Variants in COPB1 observed in about 807,000 individuals in gnomAD.
COPB1 encodes coat protein complex I subunit beta 1, also known as coatomer subunit beta.
In COPB1, 21 loss-of-function variants were observed where a neutral mutation model predicts 108.7. The observed-to-expected ratio is 0.19, with a 90% CI of 0.14 to 0.28. The LOEUF (loss-of-function observed/expected upper bound fraction) is 0.28, where lower values mean the gene tolerates loss of function less well. Ranked by LOEUF, COPB1 falls within the 10% of genes least tolerant of loss-of-function variation. The probability of loss-of-function intolerance (pLI) is 1.00; values close to 1 mark genes in which losing one functional copy is unlikely to be tolerated. For synonymous variants in COPB1, 378 were observed against 386.8 expected (o/e 0.98, Z 0.27); for missense variants, 919 against 1,141.3 (o/e 0.81, Z 2.81).
chr11:14,475,485 T>C (rs1850502165), intron 13 of COPB1, among the ~76,000 whole-genome samples: 1 of 152,184 alleles, frequency 6.6e-6, no homozygotes, highest in African/African-American at 2.4e-5. Flanking sequence ...CAGATGCTAA[T>C]AAACAACAAA....
At position 14,457,611 on chromosome 11, in the gene COPB1, C is replaced by T. The variant is rs528817947; in HGVS notation, c.*213G>A. ...GTCTTGGTACATGAAACATTATATA[C>T]TTTGAGGACAGCATTCAGAACTGTT... On this transcript the variant is annotated 3_prime_UTR_variant, in exon 22 of 22. Transcript: ENST00000439561. The T allele has an allele frequency of 8.7e-6, 4 of 460,242 alleles. No homozygotes were observed. Among genetic ancestry groups the T allele is most frequent in the Non-Finnish European group, 1.6e-5 (4 of 249,804 alleles). 28.5% of individuals were successfully genotyped at this position (460,242 alleles called of 1,614,324 possible).
At chr11:14,458,764 T>C (rs1346560444) in intron 20 of COPB1, 77 bp from the exon 21 acceptor site, 17 of 30,606 alleles carry the variant, frequency 5.6e-4, no homozygotes, top group South Asian at 1.1e-3. Flanking sequence ...CATAGGTGAC[T>C]TTTTTTTTTT....
chr11:14,462,701 T>C (rs549622805), intron 18 of COPB1, among the ~76,000 whole-genome samples: 1 of 152,352 alleles, frequency 6.6e-6, no homozygotes, highest in Non-Finnish European at 1.5e-5. Flanking sequence ...TACTACCTCA[T>C]TTCTTCAAGA....
chr11:14,483,228 CCACACACA>C lies in COPB1; in HGVS notation c.838-85_838-78del, dbSNP rs3217599. ...TTGAAAATAAGCATGCGCGCGCACA[CCACACACA>C]CACACACACACACACACACACACTC... On this transcript the variant is annotated intron_variant, in intron 7 of 21. Coordinates refer to ENST00000439561, the MANE Select transcript of COPB1 (RefSeq NM_001144061.2). 3.2e-3 allele frequency: 1,610 copies of C among 499,424 alleles called. 1 individual carries two copies. The highest frequency in any genetic ancestry group is 7.6e-3 in the East Asian group (233 of 30,540). 30.9% of individuals were successfully genotyped at this position (499,424 alleles called of 1,614,324 possible).
chr11:14,481,856 T>C (rs1850668015), intron 8 of COPB1, among the ~76,000 whole-genome samples: 1 of 152,180 alleles, frequency 6.6e-6, no homozygotes, highest in African/African-American at 2.4e-5. Context: ...TGGCAAGATC[T>C]TGGCTCACTG....
intron 18 of COPB1, among the ~76,000 whole-genome samples, chr11:14,464,370 T>C (rs1850230451): frequency 6.6e-6 from 1 of 152,226 alleles, no homozygotes. Flanking sequence ...CACATATTTA[T>C]TTTATATATC....
chr11:14,497,213 T>TC (rs1479015565), intron 2 of COPB1, among the ~76,000 whole-genome samples: 1 of 151,798 alleles, frequency 6.6e-6, no homozygotes, highest in African/African-American at 2.4e-5. Context: ...TTAAAAAGCT[T>TC]CCGCACAGCA....
chr11:14,491,455 A>C (rs1362116456), intron 4 of COPB1, among the ~76,000 whole-genome samples: 1 of 152,146 alleles, frequency 6.6e-6, no homozygotes, highest in Non-Finnish European at 1.5e-5. Flanking sequence ...GGATCACCTG[A>C]GGGTGGGAGT....
rs779865923 is a variant in COPB1 at position 14,475,849 on chromosome 11, T to C, written c.1552A>G (p.Met518Val). ...VGPVQKLVTE[M>V]GTYATQSALS... ...GCACTCTGAGTTGCATAGGTACCCA[T>C]TTCAGTAACCAATTTCTGAACTGGC... is the stretch of plus-strand genomic sequence containing the variant. The change falls in exon 13 of 22, where the codon ATG becomes GTG. Residue 518 changes from methionine to valine, a missense_variant. Met to Val is a conservative substitution (Grantham distance 21). Coordinates refer to ENST00000439561, the MANE Select transcript of COPB1 (RefSeq NM_001144061.2). The C allele has an allele frequency of 5.0e-6, 8 of 1,613,936 alleles. No individual in the cohort carries two copies. The highest frequency in any genetic ancestry group is 1.7e-5 in the Admixed American group (1 of 60,002).
At position 14,482,540 on chromosome 11, in the gene COPB1, AT is replaced by A. The variant is rs36093434; in HGVS notation, c.957+491del. ...TAATACTGATTCACTTTAGAAAAAC[AT>A]TTTTTTTTTTTGAGACAGAGTCTCA... is the stretch of plus-strand genomic sequence containing the variant. On this transcript the variant is annotated intron_variant, in intron 8 of 21. Transcript: ENST00000439561. Among the ~76,000 whole-genome samples the A allele has an allele frequency of 9.6e-4, 141 of 147,034 alleles. 1 individual carries two copies. Among genetic ancestry groups the A allele is most frequent in the South Asian group, 5.8e-3 (27 of 4,640 alleles).
At chr11:14,476,855 A>T (rs2134109084) in intron 12 of COPB1, 64 bp downstream of exon 12, 1 of 1,031,638 alleles carries the variant, frequency 9.7e-7, no homozygotes, top group South Asian at 1.3e-5. Context: ...ATCACTATAA[A>T]AAGTCAGATT....
chr11:14,485,598 G>C (rs1850751297), intron 7 of COPB1, among the ~76,000 whole-genome samples: 1 of 152,222 alleles, frequency 6.6e-6, no homozygotes, highest in Non-Finnish European at 1.5e-5. Context: ...TGTAATCCCA[G>C]CATTTTGGGA....
intron 6 of COPB1, among the ~76,000 whole-genome samples, chr11:14,487,476 A>G (rs1850799685): frequency 6.6e-6 from 1 of 152,110 alleles, no homozygotes; most frequent in Non-Finnish European, 1.5e-5. Flanking sequence ...GGAGTTTGGG[A>G]CCAGCCTGGC....
intron 4 of COPB1, among the ~76,000 whole-genome samples, chr11:14,493,243 C>T (rs1421750532): frequency 1.3e-5 from 2 of 152,178 alleles, no homozygotes; most frequent in African/African-American, 2.4e-5. Context: ...AAAGTTCCTT[C>T]CTCAAAGCTT....
intron 8 of COPB1, among the ~76,000 whole-genome samples, chr11:14,482,539 CATTT>C (rs2134116222): frequency 6.6e-6 from 1 of 151,862 alleles, no homozygotes; most frequent in Admixed American, 6.6e-5. Context: ...TTTAGAAAAA[CATTT>C]TTTTTTTTTG....
At chr11:14,468,038 C>G (rs1285358178) in intron 16 of COPB1, among the ~76,000 whole-genome samples, 1 of 152,074 alleles carries the variant, frequency 6.6e-6, no homozygotes, top group African/African-American at 2.4e-5. Context: ...AATGGCAAAT[C>G]TTTTGCAACT....
At chr11:14,469,146 C>T (rs1246496124) in intron 15 of COPB1, among the ~76,000 whole-genome samples, 190 bp downstream of exon 15, 11 of 152,092 alleles carry the variant, frequency 7.2e-5, no homozygotes, top group Admixed American at 7.2e-4. Context: ...AGGCACATAC[C>T]ACCATGCCTG....
intron 14 of COPB1, 117 bp from the exon 15 acceptor site, chr11:14,469,680 C>A (rs1326797181): frequency 1.1e-6 from 1 of 910,322 alleles, no homozygotes; most frequent in Non-Finnish European, 1.7e-6. Context: ...ATTTCAAATT[C>A]TTTGGATTTT....
chr11:14,482,426 C>A (rs557222101), intron 8 of COPB1, among the ~76,000 whole-genome samples: 2 of 151,900 alleles, frequency 1.3e-5, no homozygotes, highest in Admixed American at 6.6e-5. Context: ...TAATTTTCCA[C>A]GAAATGTAAA....
Sources: gnomAD v4.1 joint callset for allele counts (sites outside exome capture counted in the v4.1 genomes callset) on GRCh38, gnomAD v4.1.1 for gene constraint, MANE v1.5 for transcripts, NCBI Gene and HGNC (gene_info 2026-07-23, HGNC 2026-07-21) for gene names.